DDC: variants seen among roughly 807,000 people sequenced by gnomAD.
DDC encodes the protein aromatic-L-amino-acid decarboxylase.
In DDC, 43 loss-of-function variants were observed where a neutral mutation model predicts 60.0. The ratio of observed to expected loss-of-function variants is 0.72; its 90% CI spans 0.56 to 0.92. DDC has a LOEUF of 0.92. DDC is among the 40% of genes least tolerant of loss of function. The probability of loss-of-function intolerance (pLI) is 0.00; values close to 1 mark genes in which losing one functional copy is unlikely to be tolerated. For missense variants in DDC, 573 were observed against 620.2 expected (o/e 0.92, Z 0.81); for synonymous variants, 232 against 234.6 (o/e 0.99, Z 0.10).
intron 4 of DDC, among the ~76,000 whole-genome samples, chr7:50,533,515 TA>T: frequency 1.7e-5 from 1 of 60,124 alleles, no homozygotes. Context: ...AGGCTGGTCT[TA>T]AACTCCTACC....
At chr7:50,519,891 G>GA (rs199853428) in intron 6 of DDC, among the ~76,000 whole-genome samples, 1 of 151,984 alleles carries the variant, frequency 6.6e-6, no homozygotes, top group Non-Finnish European at 1.5e-5. Flanking sequence ...ACTTATGGGG[G>GA]AAAAAAAGTT....
At chr7:50,503,965 CA>C (rs752460448) in intron 7 of DDC, 27 bp downstream of exon 7, 12 of 1,569,376 alleles carry the variant, frequency 7.6e-6, no homozygotes, top group Non-Finnish European at 1.1e-5. Context: ...GAACATTTTC[CA>C]AAAAGAAAAT....
At chr7:50,542,706 G>C (rs2044674142) in intron 2 of DDC, 2 of 152,220 alleles carry the variant, frequency 1.3e-5, no homozygotes, top group African/African-American at 2.4e-5. Context: ...TCTCCCAAAG[G>C]GTTTTATGCT....
At chr7:50,550,531 C>T (rs1016067324) in intron 1 of DDC, among the ~76,000 whole-genome samples, 22 of 152,180 alleles carry the variant, frequency 1.4e-4, no homozygotes, top group African/African-American at 5.1e-4. Flanking sequence ...GTTGAGGACA[C>T]ACCCGTGACA....
At chr7:50,459,474 G>C (rs894494016) in intron 14 of DDC, among the ~76,000 whole-genome samples, 6 of 151,576 alleles carry the variant, frequency 4.0e-5, no homozygotes, top group Admixed American at 6.6e-5. Flanking sequence ...AAAGTGAGGA[G>C]CGTCTCTGCC....
At chr7:50,479,265 C>T (rs1445647829) in intron 10 of DDC, among the ~76,000 whole-genome samples, 1 of 152,162 alleles carries the variant, frequency 6.6e-6, no homozygotes, top group African/African-American at 2.4e-5. Context: ...CTGTCACCAG[C>T]GCCAGGCACA....
At chr7:50,481,858 T>G (rs902755854) in intron 9 of DDC, among the ~76,000 whole-genome samples, 1 of 152,236 alleles carries the variant, frequency 6.6e-6, no homozygotes, top group Admixed American at 6.5e-5. Flanking sequence ...TTTCTATAAT[T>G]TGCTTTCTTA....
At chr7:50,497,992 T>G (rs902183021) in intron 8 of DDC, among the ~76,000 whole-genome samples, 1 of 152,168 alleles carries the variant, frequency 6.6e-6, no homozygotes, top group Non-Finnish European at 1.5e-5. Flanking sequence ...AAACCTGACA[T>G]GCAAGCAGAG....
At position 50,459,169 on chromosome 7, in the gene DDC, G is replaced by A. The variant is rs1008288000; in HGVS notation, c.*19-326C>T. 3.3e-3 allele frequency among the ~76,000 whole-genome samples: 505 copies of A among 152,306 alleles called. 6 individuals carry two copies. Among genetic ancestry groups the A allele is most frequent in the African/African-American group, 0.011 (469 of 41,546 alleles). ...AGACGGGGTTTCGCTGTGTTGGCCGGGCTGGTCTCCAGCTCCAAACTGCGA... is the reference window on the plus strand; with the variant it reads ...AGACGGGGTTTCGCTGTGTTGGCCGAGCTGGTCTCCAGCTCCAAACTGCGA... On this transcript the variant is annotated intron_variant, in intron 14 of 14. Transcript: ENST00000444124.
intron 1 of DDC, among the ~76,000 whole-genome samples, chr7:50,557,731 A>G (rs2045230192): frequency 6.6e-6 from 1 of 152,200 alleles, no homozygotes; most frequent in South Asian, 2.1e-4. Flanking sequence ...ATCACCATAT[A>G]GGTCGCACCT....
At chr7:50,527,892 T>C (rs2044081505) in intron 6 of DDC, 3 of 423,408 alleles carry the variant, frequency 7.1e-6, no homozygotes, top group African/African-American at 4.0e-5. Flanking sequence ...GTAAAAAGCG[T>C]TTCTCAAAGA....
chr7:50,466,493 G>GA (rs57396757), intron 13 of DDC, among the ~76,000 whole-genome samples: 4,515 of 64,050 alleles, frequency 0.07, 81 homozygotes, highest in Non-Finnish European at 0.11. Context: ...TCTCCAAAAA[G>GA]AAAAAAAAAA....
At chr7:50,478,946 A>T (rs754331764) in intron 10 of DDC, among the ~76,000 whole-genome samples, 1 of 152,260 alleles carries the variant, frequency 6.6e-6, no homozygotes, top group Non-Finnish European at 1.5e-5. Flanking sequence ...TACATCTTTA[A>T]TAATAAGGAA....
At chr7:50,524,191 G>A (rs1427052166) in intron 6 of DDC, among the ~76,000 whole-genome samples, 1 of 152,150 alleles carries the variant, frequency 6.6e-6, no homozygotes, top group Non-Finnish European at 1.5e-5. Flanking sequence ...GTGGAGCACA[G>A]GGGATTTTTA....
chr7:50,467,078 G>C, intron 13 of DDC, 136 bp downstream of exon 13: 1 of 853,564 alleles, frequency 1.2e-6, no homozygotes, highest in East Asian at 2.4e-5. Context: ...GGGCAGGCCG[G>C]TGGGCCAAAG....
chr7:50,544,080 G>A lies in DDC; in HGVS notation c.6C>T (p.Asn2=), dbSNP rs749246611. The A allele has an allele frequency of 3.2e-5, 52 of 1,613,880 alleles. No homozygotes were observed. Among genetic ancestry groups the A allele is most frequent in the South Asian group, 2.5e-4 (23 of 91,072 alleles). The change falls in exon 2 of 15, where the codon AAC becomes AAT. Residue 2 remains asparagine, a synonymous_variant. Coordinates refer to ENST00000444124, the MANE Select transcript of DDC (RefSeq NM_001082971.2). The stretch of plus-strand genomic sequence containing the variant: ...TCCCTCTCCTTCGGAATTCACTTGC[G>A]TTCATGGTGTCTGGGCTCTGTCAGA... M[N]ASEFRRRGKE...
intron 6 of DDC, among the ~76,000 whole-genome samples, chr7:50,519,217 G>C (rs1397685930): frequency 2.0e-5 from 3 of 152,124 alleles, no homozygotes; most frequent in Non-Finnish European, 4.4e-5. Context: ...TGCAAGAATA[G>C]CCATAATCAA....
intron 3 of DDC, among the ~76,000 whole-genome samples, chr7:50,538,506 G>A (rs767637869): frequency 2.0e-4 from 30 of 152,164 alleles, no homozygotes; most frequent in Non-Finnish European, 4.0e-4. Context: ...AGATGTTCTC[G>A]TGCCTAGATG....
In DDC at chr7:50,543,973, A is replaced by G. The variant is rs1279233360; in HGVS notation, c.113T>C (p.Leu38Pro). Residue 38 changes from leucine to proline, a missense_variant, in exon 2 of 15, where the codon CTG (leucine) becomes CCG (proline). Transcript: ENST00000444124. Reference protein sequence around the residue: ...QVYPDVEPGYLRPLIPAAAPQ... With the variant: ...QVYPDVEPGYPRPLIPAAAPQ... ...GGCAGCGGCAGGGATCAGCGGCCGC[A>G]GGTACCCGGGCTCCACGTCAGGGTA... 4 of 1,614,174 alleles carry G rather than the reference A, an allele frequency of 2.5e-6. No homozygotes were observed. The highest frequency in any genetic ancestry group is 4.5e-5 in the East Asian group (2 of 44,876).
Sources: allele counts gnomAD v4.1 joint callset (sites outside exome capture counted in the v4.1 genomes callset), GRCh38; gene constraint gnomAD v4.1.1; transcripts MANE v1.5; gene names NCBI Gene and HGNC (gene_info 2026-07-23, HGNC 2026-07-21).